The following NLGN1 variants were observed in gnomAD, a reference collection of about 807,000 sequenced individuals.
The protein encoded by NLGN1 is neuroligin 1, also known as neuroligin-1.
Under a neutral mutation model 65.5 loss-of-function variants are expected in NLGN1, and 12 were observed. That is an observed-to-expected ratio of 0.18 (90% CI 0.12 to 0.30). The LOEUF (loss-of-function observed/expected upper bound fraction) is 0.30. NLGN1 is among the 10% of genes least tolerant of loss of function. NLGN1 has a pLI of 1.00. For synonymous variants in NLGN1, 350 were observed against 359.5 expected (o/e 0.97, Z 0.30); for missense variants, 750 against 1,007.1 (o/e 0.74, Z 3.46).
At chr3:173,446,176 T>C (rs953912126) in intron 2 of NLGN1, among the ~76,000 whole-genome samples, 17 of 152,022 alleles carry the variant, frequency 1.1e-4, no homozygotes, top group African/African-American at 3.6e-4. Context: ...CAACTTGTCA[T>C]TTAGCATTAG....
intron 3 of NLGN1, among the ~76,000 whole-genome samples, chr3:173,677,948 G>A (rs76395284): frequency 0.015 from 2,222 of 152,222 alleles, 68 homozygotes; most frequent in African/African-American, 0.051. Context: ...ATGACGTAGT[G>A]TCATATAATT....
chr3:174,225,825 A>G (rs1193637198), intron 4 of NLGN1, among the ~76,000 whole-genome samples: 3 of 150,838 alleles, frequency 2.0e-5, no homozygotes, highest in Admixed American at 1.3e-4. Context: ...AAGCACCTTT[A>G]CTATTTGGAG....
At chr3:174,263,047 A>G (rs1182474949) in intron 4 of NLGN1, among the ~76,000 whole-genome samples, 1 of 135,566 alleles carries the variant, frequency 7.4e-6, no homozygotes. Context: ...GTGGTCTGAG[A>G]GATAGTTTGT....
chr3:173,827,044 A>G (rs1721482049), intron 4 of NLGN1, among the ~76,000 whole-genome samples: 1 of 152,120 alleles, frequency 6.6e-6, no homozygotes, highest in Non-Finnish European at 1.5e-5. Context: ...TTAGGTGATT[A>G]GGAAAGAATG....
intron 4 of NLGN1, among the ~76,000 whole-genome samples, chr3:174,255,388 A>G (rs981122715): frequency 7.2e-6 from 1 of 139,828 alleles, no homozygotes; most frequent in Non-Finnish European, 1.5e-5. Context: ...GTGAGCCGAG[A>G]TCGTGCCACT....
intron 4 of NLGN1, among the ~76,000 whole-genome samples, chr3:174,221,262 G>A (rs915511479): frequency 1.6e-4 from 25 of 152,244 alleles, no homozygotes; most frequent in African/African-American, 5.5e-4. Context: ...ATGATGAGGT[G>A]AGGAAGCAGG....
Position 173,892,239 on chromosome 3 carries a change from T to C in NLGN1, c.646+84407T>C, listed in dbSNP as rs183945802. ...TTGTATGTTAAATCCTTTGTTCTGCTTGGGCCTGTGAAAACTTATTACTTT... is the reference window on the plus strand; with the variant it reads ...TTGTATGTTAAATCCTTTGTTCTGCCTGGGCCTGTGAAAACTTATTACTTT... On this transcript the variant is annotated intron_variant, in intron 4 of 6. Coordinates refer to ENST00000457714, the Ensembl canonical transcript of NLGN1. 6.2e-3 allele frequency among the ~76,000 whole-genome samples: 934 copies of C among 151,790 alleles called. 5 individuals are homozygous for C. The highest frequency in any genetic ancestry group is 0.021 in the African/African-American group (871 of 41,402).
intron 2 of NLGN1, among the ~76,000 whole-genome samples, chr3:173,457,466 A>G (rs1451107060): frequency 6.6e-6 from 1 of 152,134 alleles, no homozygotes; most frequent in African/African-American, 2.4e-5. Flanking sequence ...AATTGTAAGG[A>G]TAAACAAGTC....
At chr3:173,622,789 C>A (rs1208745502) in intron 3 of NLGN1, among the ~76,000 whole-genome samples, 3 of 152,012 alleles carry the variant, frequency 2.0e-5, no homozygotes, top group African/African-American at 7.2e-5. Flanking sequence ...GAAAGTAAAT[C>A]AACAGTTTCC....
chr3:174,164,554 G>C (rs1266109664), intron 4 of NLGN1, among the ~76,000 whole-genome samples: 1 of 151,920 alleles, frequency 6.6e-6, no homozygotes, highest in African/African-American at 2.4e-5. Context: ...AAAAAGTACA[G>C]GCCATTTTAT....
At chr3:174,270,313 A>T (rs1414085320) in intron 4 of NLGN1, among the ~76,000 whole-genome samples, 1 of 150,988 alleles carries the variant, frequency 6.6e-6, no homozygotes, top group African/African-American at 2.4e-5. Flanking sequence ...TTTTGAGTTA[A>T]TTTTTATATG....
At chr3:173,551,905 G>A (rs1229895132) in intron 2 of NLGN1, among the ~76,000 whole-genome samples, 1 of 152,224 alleles carries the variant, frequency 6.6e-6, no homozygotes, top group African/African-American at 2.4e-5. Flanking sequence ...AAAAATAGTT[G>A]TAGTGGCTGC....
intron 3 of NLGN1, among the ~76,000 whole-genome samples, chr3:173,769,588 TG>T (rs1779286301): frequency 6.6e-6 from 1 of 152,222 alleles, no homozygotes; most frequent in Non-Finnish European, 1.5e-5. Flanking sequence ...CTTATCTCTT[TG>T]AAAGGTGTGT....
chr3:173,902,730 G>T (rs1412548387), intron 4 of NLGN1, among the ~76,000 whole-genome samples: 2 of 151,972 alleles, frequency 1.3e-5, no homozygotes, highest in Non-Finnish European at 2.9e-5. Context: ...GTTTATTTCT[G>T]GGCCAAGAGA....
chr3:173,517,148 G>A (rs1484780106), intron 2 of NLGN1, among the ~76,000 whole-genome samples: 2 of 152,018 alleles, frequency 1.3e-5, no homozygotes, highest in Non-Finnish European at 2.9e-5. Flanking sequence ...GCATCAAGTT[G>A]TTCAAAGAGG....
At position 173,704,840 on chromosome 3, in the gene NLGN1, A is replaced by G. The variant is rs377457587; in HGVS notation, c.493+99749A>G. On this transcript the variant is annotated intron_variant, in intron 3 of 6. Coordinates refer to ENST00000457714, the Ensembl canonical transcript of NLGN1. ...CTCACATGAAGTTACAGTAAATCCT[A>G]TTTGTCTACTGTTCTGTTTGACATA... Among the ~76,000 whole-genome samples the G allele has an allele frequency of 9.2e-5, 14 of 152,038 alleles. No homozygotes were observed. In the East Asian group the frequency reaches 1.2e-3, roughly 13 times the overall value.
chr3:174,010,686 T>A (rs1725359963), intron 4 of NLGN1, among the ~76,000 whole-genome samples: 2 of 152,158 alleles, frequency 1.3e-5, no homozygotes, highest in African/African-American at 4.8e-5. Flanking sequence ...AATGAAAAAC[T>A]TGAATTGGTG....
intron 4 of NLGN1, among the ~76,000 whole-genome samples, chr3:174,024,596 C>CG (rs1728475840): frequency 6.6e-6 from 1 of 151,934 alleles, no homozygotes; most frequent in Non-Finnish European, 1.5e-5. Flanking sequence ...TCATCCAAGG[C>CG]ATTTCTGAAA....
At chr3:174,281,213 A>G in exon 7 of NLGN1, 1 of 1,613,224 alleles carries the variant, frequency 6.2e-7, no homozygotes, top group Non-Finnish European at 8.5e-7. Context: ...TTCAGCCCTT[A>G]CACACATTCA....
Sources: allele counts gnomAD v4.1 joint callset (sites outside exome capture counted in the v4.1 genomes callset), GRCh38; gene constraint gnomAD v4.1.1; transcripts MANE v1.5; gene names NCBI Gene and HGNC (gene_info 2026-07-23, HGNC 2026-07-21).